ZNF883: variants seen among roughly 807,000 people sequenced by gnomAD.
The protein encoded by ZNF883 is zinc finger protein 883.
chr9:112,993,225 T>C (rs1348021784), downstream of ZNF883, among the ~76,000 whole-genome samples: 4 of 152,230 alleles, frequency 2.6e-5, no homozygotes, highest in African/African-American at 9.6e-5. Context: ...CTAGCTTTGA[T>C]CTTTGAGGCT....
At chr9:112,988,248 C>T (rs1449060639) in intron 1 of ZNF883, among the ~76,000 whole-genome samples, 1 of 152,094 alleles carries the variant, frequency 6.6e-6, no homozygotes, top group African/African-American at 2.4e-5. Flanking sequence ...CAACCCATCA[C>T]CTAGGTATTA....
upstream of ZNF883, chr9:112,999,623 T>C (rs1272642878): frequency 6.6e-6 from 1 of 152,220 alleles, no homozygotes; most frequent in Non-Finnish European, 1.5e-5. Flanking sequence ...TTCAATAATT[T>C]GCTAGAATGG....
At chr9:112,992,875 T>C (rs1828315253), downstream of ZNF883, among the ~76,000 whole-genome samples, 1 of 152,256 alleles carries the variant, frequency 6.6e-6, no homozygotes, top group African/African-American at 2.4e-5. Flanking sequence ...TTGATACTTG[T>C]GGCTTCATTG....
At chr9:112,993,560 C>T (rs988898844), downstream of ZNF883, among the ~76,000 whole-genome samples, 15 of 152,242 alleles carry the variant, frequency 9.9e-5, no homozygotes, top group African/African-American at 2.7e-4. Context: ...TAACAAATCA[C>T]TCTAGCTGCC....
upstream of ZNF883, chr9:112,998,325 G>C: frequency 1.6e-6 from 2 of 1,278,004 alleles, no homozygotes; most frequent in Non-Finnish European, 2.0e-6. Context: ...ATAGGTGTTG[G>C]CTTTTCATTT....
At chr9:113,011,408 C>A (rs1247263796) in intron 1 of ZNF883, among the ~76,000 whole-genome samples, 181 bp from the exon 2 acceptor site, 2 of 152,228 alleles carry the variant, frequency 1.3e-5, no homozygotes, top group East Asian at 3.9e-4. Flanking sequence ...CTGGTCCAAT[C>A]TGACAAACCA....
Position 112,997,769 on chromosome 9 carries a change from C to T in ZNF883, n.491G>A, listed in dbSNP as rs201838598. The stretch of plus-strand genomic sequence containing the variant: ...CTGATGTTCAATTAGGTGTGTGCTG[C>T]GGCTGAAGGTTTTTCCACATTCAGT... On this transcript the variant is annotated non_coding_transcript_exon_variant, in exon 1 of 1. Transcript: ENST00000639662. The T allele has an allele frequency of 5.0e-5, 80 of 1,613,580 alleles. 1 individual carries two copies. Among genetic ancestry groups the T allele is most frequent in the Middle Eastern group, 4.9e-4 (3 of 6,084 alleles).
chr9:113,009,946 C>T (rs1480838603), intron 2 of ZNF883, among the ~76,000 whole-genome samples: 3 of 152,184 alleles, frequency 2.0e-5, no homozygotes, highest in African/African-American at 7.2e-5. Context: ...GAATGATGTT[C>T]AGTAGGTTAG....
At chr9:112,994,535 C>T (rs1828330479), downstream of ZNF883, among the ~76,000 whole-genome samples, 1 of 152,100 alleles carries the variant, frequency 6.6e-6, no homozygotes, top group African/African-American at 2.4e-5. Flanking sequence ...ATTAAATTTA[C>T]AAATCAGAGA....
intron 2 of ZNF883, among the ~76,000 whole-genome samples, chr9:113,008,636 TTA>T (rs1356943209): frequency 1.3e-5 from 2 of 152,124 alleles, no homozygotes; most frequent in South Asian, 2.1e-4. Flanking sequence ...TTCTGAAAAA[TTA>T]TGTCTATATA....
At chr9:113,008,142 A>G (rs6477979) in intron 2 of ZNF883, among the ~76,000 whole-genome samples, 89,461 of 152,024 alleles carry the variant, frequency 0.59, 27,006 homozygotes, top group East Asian at 0.84. Flanking sequence ...CAGGTAGTTA[A>G]GTGTAAACAT....
chr9:112,998,672 CTG>C, upstream of ZNF883: 1 of 155,062 alleles, frequency 6.4e-6, no homozygotes, highest in South Asian at 2.0e-4. Context: ...ATTTCTTTGT[CTG>C]GTGTATCTAC....
At chr9:113,000,377 G>A (rs1037789074), upstream of ZNF883, among the ~76,000 whole-genome samples, 4 of 152,128 alleles carry the variant, frequency 2.6e-5, no homozygotes, top group African/African-American at 9.7e-5. Flanking sequence ...CAGGAAAACT[G>A]AAGTTTTCTG....
At chr9:113,011,465 A>C (rs939516411) in intron 1 of ZNF883, among the ~76,000 whole-genome samples, 10 of 152,220 alleles carry the variant, frequency 6.6e-5, no homozygotes, top group African/African-American at 2.2e-4. Context: ...CACCGAGTGC[A>C]CCAGCTCCCT....
intron 2 of ZNF883, among the ~76,000 whole-genome samples, chr9:113,007,279 A>T (rs1828488423): frequency 1.3e-5 from 2 of 152,218 alleles, no homozygotes. Flanking sequence ...ATGTTCTGCA[A>T]GCTATTTATT....
intron 2 of ZNF883, among the ~76,000 whole-genome samples, chr9:113,007,349 G>A (rs1056059929): frequency 8.5e-5 from 13 of 152,196 alleles, no homozygotes; most frequent in African/African-American, 3.1e-4. Flanking sequence ...ACTTCTGCTA[G>A]TATTGCTGAA....
chr9:112,994,781 TTAG>T (rs1166816128), downstream of ZNF883, among the ~76,000 whole-genome samples: 2 of 152,192 alleles, frequency 1.3e-5, no homozygotes, highest in Non-Finnish European at 2.9e-5. Flanking sequence ...ATATATCATT[TTAG>T]TAGTTCTAAT....
At chr9:113,005,335 G>C (rs1210694202) in intron 2 of ZNF883, among the ~76,000 whole-genome samples, 1 of 152,034 alleles carries the variant, frequency 6.6e-6, no homozygotes, top group South Asian at 2.1e-4. Context: ...TAGGAAAAAT[G>C]TATAATGCAA....
chr9:112,991,403 T>C (rs1449313517), intron 1 of ZNF883, among the ~76,000 whole-genome samples: 1 of 152,082 alleles, frequency 6.6e-6, no homozygotes, highest in Non-Finnish European at 1.5e-5. Flanking sequence ...TTTGAGTGAG[T>C]TTCTTAATCT....
Sources: allele counts gnomAD v4.1 joint callset (sites outside exome capture counted in the v4.1 genomes callset), GRCh38; gene constraint gnomAD v4.1.1; transcripts MANE v1.5; gene names NCBI Gene and HGNC (gene_info 2026-07-23, HGNC 2026-07-21).